The following CHIT1 variants were observed in gnomAD, a reference collection of about 807,000 sequenced individuals.
CHIT1 encodes chitinase 1.
In CHIT1, 47 loss-of-function variants were observed where a neutral mutation model predicts 52.0. The observed-to-expected ratio is 0.90, with a 90% CI of 0.71 to 1.15. The LOEUF (loss-of-function observed/expected upper bound fraction) is 1.15. CHIT1 is among the 50% of genes most tolerant of loss of function. CHIT1 has a pLI of 0.00. For missense variants in CHIT1, 569 were observed against 583.0 expected (o/e 0.98, Z 0.25); for synonymous variants, 242 against 228.2 (o/e 1.06, Z -0.54).
At position 203,222,335 on chromosome 1, in the gene CHIT1, G is replaced by A; in HGVS notation, c.606-10C>T. ...GACAAAATCCAGGTTCCTGCAGGAG[G>A]CATGGAAGAGGAGGTGAGAAACAAG... On this transcript the variant is annotated splice_polypyrimidine_tract_variant and intron_variant, in intron 6 of 10. Coordinates refer to ENST00000367229, the MANE Select transcript of CHIT1 (RefSeq NM_003465.3). 1.9e-6 allele frequency: 3 copies of A among 1,614,160 alleles called. No individual in the cohort carries two copies. The highest frequency in any genetic ancestry group is 1.1e-5 in the South Asian group (1 of 91,078).
chr1:203,216,968 G>A lies in CHIT1; in HGVS notation c.1322C>T (p.Ala441Val). The change falls in exon 11 of 11, where the codon GCA becomes GTA. Residue 441 changes from alanine to valine, a missense_variant. Physicochemically the swap from Ala to Val is moderately conservative, Grantham distance 64. Coordinates refer to ENST00000367229, the MANE Select transcript of CHIT1 (RefSeq NM_003465.3). ...PRERSSFYSC[A>V]AGRLFQQSCP... is the part of the protein sequence containing the mutation. ...GCTTTGCTGGAACAGCCGCCCCGCT[G>A]CACAGCTGTAGAAGCTGGACCGTTC... The A allele has an allele frequency of 6.2e-7, 1 of 1,614,202 alleles. No homozygotes were observed. Among genetic ancestry groups the A allele is most frequent in the Non-Finnish European group, 8.5e-7 (1 of 1,180,000 alleles).
intron 2 of CHIT1, among the ~76,000 whole-genome samples, chr1:203,227,069 C>T (rs541706292): frequency 2.0e-5 from 3 of 152,312 alleles, no homozygotes; most frequent in East Asian, 3.9e-4. Context: ...TCTGTACCCC[C>T]TCCAATGCCC....
Position 203,222,342 on chromosome 1 carries a change from A to C in CHIT1, c.606-17T>G. 6.2e-7 allele frequency: 1 copy of C among 1,614,158 alleles called. No homozygotes were observed. The highest frequency in any genetic ancestry group is 8.5e-7 in the Non-Finnish European group (1 of 1,180,016). ...TCCAGGTTCCTGCAGGAGGCATGGA[A>C]GAGGAGGTGAGAAACAAGGGATTGG... On this transcript the variant is annotated splice_polypyrimidine_tract_variant and intron_variant, in intron 6 of 10. Coordinates refer to ENST00000367229, the MANE Select transcript of CHIT1 (RefSeq NM_003465.3).
intron 7 of CHIT1, 115 bp from the exon 8 acceptor site, chr1:203,219,964 AC>A: frequency 1.5e-6 from 2 of 1,297,796 alleles, no homozygotes; most frequent in East Asian, 5.0e-5. Flanking sequence ...CTGGAGCTCT[AC>A]GGGCCTTTGT....
intron 7 of CHIT1, among the ~76,000 whole-genome samples, chr1:203,221,521 T>TG (rs1656731384): frequency 6.6e-6 from 1 of 152,066 alleles, no homozygotes; most frequent in Non-Finnish European, 1.5e-5. Flanking sequence ...CTCAGGAGGC[T>TG]GGGGCAGGAG....
chr1:203,222,118 T>C (rs576063740), intron 7 of CHIT1, 84 bp downstream of exon 7: 2 of 1,586,170 alleles, frequency 1.3e-6, no homozygotes, highest in African/African-American at 2.7e-5. Flanking sequence ...TTTTTTCCCA[T>C]GAGGGCCTCG....
In CHIT1 at chr1:203,217,478, C is replaced by A. The variant is rs1446579389; in HGVS notation, c.1156+261G>T. ...AGAGGAACAAGGTGCTGCTCCCAGTCTGGGGGCCCTCTGGAGGGAAGCCAC... is the reference window on the plus strand; with the variant it reads ...AGAGGAACAAGGTGCTGCTCCCAGTATGGGGGCCCTCTGGAGGGAAGCCAC... On this transcript the variant is annotated intron_variant, in intron 10 of 10. Transcript: ENST00000367229. 4.9e-6 allele frequency: 6 copies of A among 1,232,870 alleles called. No homozygotes were observed. In the Admixed American group the frequency reaches 1.0e-4, roughly 21 times the overall value. The allele number at this position is 1,232,870 out of a possible 1,614,324, so 76.4% of individuals were successfully genotyped here.
rs375230988 is a variant in CHIT1 at position 203,219,372 on chromosome 1, C to T, written c.916-43G>A. 5 of 1,144,688 alleles carry T rather than the reference C, an allele frequency of 4.4e-6. No homozygotes were observed. In the Admixed American group the frequency reaches 5.0e-5, roughly 12 times the overall value. The allele number at this position is 1,144,688 out of a possible 1,614,324, so 70.9% of individuals were successfully genotyped here. The stretch of plus-strand genomic sequence containing the variant: ...AGCACTGGGGAGGAGGAGGGAGGCT[C>T]TTGCAGGCACCTTCCCTTCCTCACC... On this transcript the variant is annotated intron_variant, in intron 8 of 10. Transcript: ENST00000367229.
At chr1:203,227,150 G>A (rs990017058) in intron 2 of CHIT1, among the ~76,000 whole-genome samples, 3 of 152,174 alleles carry the variant, frequency 2.0e-5, no homozygotes, top group South Asian at 2.1e-4. Context: ...GGAAGAGACC[G>A]CTCAGGCAGG....
upstream of CHIT1, chr1:203,229,902 T>C: frequency 1.9e-6 from 1 of 539,442 alleles, no homozygotes; most frequent in South Asian, 1.9e-5. Flanking sequence ...AAGCGGGAAG[T>C]GGCCCTGAAC....
intron 6 of CHIT1, among the ~76,000 whole-genome samples, chr1:203,222,871 A>C (rs1300047012): frequency 1.3e-5 from 2 of 152,186 alleles, no homozygotes; most frequent in African/African-American, 4.8e-5. Flanking sequence ...CTTAAGAATG[A>C]GTTCCCGAGG....
Position 203,216,963 on chromosome 1 carries a change from C to T in CHIT1, c.1327G>A (p.Gly443Arg), listed in dbSNP as rs1189376768. The T allele has an allele frequency of 6.2e-7, 1 of 1,614,056 alleles. No individual in the cohort carries two copies. The highest frequency in any genetic ancestry group is 2.2e-5 in the East Asian group (1 of 44,892). The change falls in exon 11 of 11, where the codon GGG becomes AGG. Residue 443 changes from glycine (G) to arginine (R), a missense_variant. Gly to Arg is a moderately radical substitution (Grantham distance 125). Coordinates refer to ENST00000367229, the MANE Select transcript of CHIT1 (RefSeq NM_003465.3). ...GGGCAGCTTTGCTGGAACAGCCGCCCCGCTGCACAGCTGTAGAAGCTGGAC... is the reference window on the plus strand; with the variant it reads ...GGGCAGCTTTGCTGGAACAGCCGCCTCGCTGCACAGCTGTAGAAGCTGGAC... ...ERSSFYSCAA[G>R]RLFQQSCPTG... is the part of the protein sequence containing the mutation.
chr1:203,225,919 G>A (rs2102242568), intron 2 of CHIT1, 49 bp from the exon 3 acceptor site: 2 of 1,595,460 alleles, frequency 1.3e-6, no homozygotes, highest in South Asian at 2.2e-5. Flanking sequence ...AGGACCTTCT[G>A]GGGACTGGTC....
intron 3 of CHIT1, 58 bp downstream of exon 3, chr1:203,225,611 G>A (rs1656897713): frequency 5.8e-6 from 9 of 1,554,456 alleles, no homozygotes; most frequent in South Asian, 4.5e-5. Flanking sequence ...GGCTCTGGGA[G>A]GAGGTTATCT....
chr1:203,229,896 G>A (rs946071058), upstream of CHIT1: 11 of 548,562 alleles, frequency 2.0e-5, no homozygotes, highest in African/African-American at 1.7e-4. Context: ...AGAGGAAAGC[G>A]GGAAGTGGCC....
intron 4 of CHIT1, 121 bp downstream of exon 4, chr1:203,224,927 C>T: frequency 1.1e-6 from 1 of 894,252 alleles, no homozygotes; most frequent in South Asian, 1.4e-5. Flanking sequence ...GTTCAGCTCC[C>T]CTCCCCTTTC....
At chr1:203,228,639 C>A (rs1657018688) in intron 1 of CHIT1, 77 bp from the exon 2 acceptor site, 6 of 1,499,066 alleles carry the variant, frequency 4.0e-6, no homozygotes, top group Non-Finnish European at 5.5e-6. Context: ...TACGGAAGCA[C>A]AGGAGGTGGT....
intron 3 of CHIT1, 31 bp from the exon 4 acceptor site, chr1:203,225,135 A>G: frequency 3.7e-6 from 6 of 1,610,506 alleles, no homozygotes; most frequent in Non-Finnish European, 3.4e-6. Flanking sequence ...AGCAGGATTT[A>G]CTCTGCCAGC....
upstream of CHIT1, chr1:203,229,746 GC>G: frequency 7.7e-7 from 1 of 1,304,122 alleles, no homozygotes; most frequent in Non-Finnish European, 1.1e-6. Context: ...GCAATCAGGG[GC>G]ACTGGGTGGG....
Sources: allele counts gnomAD v4.1 joint callset (sites outside exome capture counted in the v4.1 genomes callset), GRCh38; gene constraint gnomAD v4.1.1; transcripts MANE v1.5; gene names NCBI Gene and HGNC (gene_info 2026-07-23, HGNC 2026-07-21).